MADD: variants seen among roughly 807,000 people sequenced by gnomAD.
The protein encoded by MADD is MAP kinase activating death domain, also known as MAP kinase-activating death domain protein.
Under a neutral mutation model 176.7 loss-of-function variants are expected in MADD, and 109 were observed. That is an observed-to-expected ratio of 0.62 (90% CI 0.53 to 0.72). The LOEUF (loss-of-function observed/expected upper bound fraction) is 0.72, where lower values mean the gene tolerates loss of function less well. Among genes scored for constraint, MADD ranks in the 30% least tolerant of loss-of-function variants. The pLI, the probability that MADD is intolerant of heterozygous loss-of-function variation, is 0.00. For missense variants in MADD, 1,914 were observed against 2,045.5 expected, an observed-to-expected ratio of 0.94 and a Z score of 1.24; for synonymous variants, 771 against 771.3, an observed-to-expected ratio of 1.00 and a Z score of 0.01.
At chr11:47,323,288 C>T (rs112391095) in intron 27 of MADD, among the ~76,000 whole-genome samples, 9 of 151,516 alleles carry the variant, frequency 5.9e-5, no homozygotes, top group Admixed American at 5.9e-4. Context: ...CACCTGTAGT[C>T]CCTGCTACTT....
exon 3 of MADD, chr11:47,274,879 G>A (rs1375711044): frequency 6.2e-7 from 1 of 1,614,106 alleles, no homozygotes; most frequent in East Asian, 2.2e-5. Context: ...TGCCACCTGT[G>A]CCTCAGAAGA....
rs2049572535 is a variant in MADD, at chr11:47,276,104, C to T, written c.865C>T (p.Arg289Ter). Reference sequence around the variant, plus strand: ...GACCTTTGCTCTTCCAGACCCATCTCGATTCACCCTAGTGGATTTCCCACT... The same window carrying T: ...GACCTTTGCTCTTCCAGACCCATCTTGATTCACCCTAGTGGATTTCCCACT... The change falls in exon 4 of 33, where the codon CGA becomes TGA. Residue 289 changes from arginine to a stop codon, truncating the protein, a stop_gained. Transcript: ENST00000402192. LOFTEE classifies it high-confidence loss of function. 1.2e-6 allele frequency: 2 copies of T among 1,614,194 alleles called. No homozygotes were observed. The highest frequency in any genetic ancestry group is 1.7e-6 in the Non-Finnish European group (2 of 1,180,042).
intron 26 of MADD, among the ~76,000 whole-genome samples, chr11:47,313,298 A>G (rs1158390510): frequency 1.3e-5 from 2 of 151,708 alleles, no homozygotes; most frequent in African/African-American, 2.4e-5. Flanking sequence ...TCAGTGAAAC[A>G]CTATTTTCTT....
At chr11:47,283,005 G>A (rs1212603986) in intron 10 of MADD, 36 bp downstream of exon 10, 1 of 1,599,568 alleles carries the variant, frequency 6.3e-7, no homozygotes, top group African/African-American at 1.3e-5. Flanking sequence ...GGTTTTAAAG[G>A]TGAGGAGGCT....
At chr11:47,292,463 T>TGGGTGGGTTTC in intron 19 of MADD, 80 bp from the exon 21 acceptor site, 1 of 1,264,384 alleles carries the variant, frequency 7.9e-7, no homozygotes, top group East Asian at 2.3e-5. Context: ...TCGACTTGGG[T>TGGGTGGGTTTC]GGGTGGGTTT....
Position 47,294,459 on chromosome 11 carries a change from T to C in MADD, c.3402+476T>C, listed in dbSNP as rs542553087. On this transcript the variant is annotated intron_variant, in intron 20 of 32. Coordinates refer to ENST00000402192, the Ensembl canonical transcript of MADD. ...CAGGTGGGTCACTTGAGGTCAGGAG[T>C]TGGAGTTGGAGACCAGCCTGGCCAA... 3.5e-3 allele frequency among the ~76,000 whole-genome samples: 530 copies of C among 150,530 alleles called. 1 individual carries two copies. Among genetic ancestry groups the C allele is most frequent in the Middle Eastern group, 6.8e-3 (2 of 292 alleles).
At chr11:47,291,371 AC>A (rs1183716884) in intron 19 of MADD, among the ~76,000 whole-genome samples, 3 of 152,092 alleles carry the variant, frequency 2.0e-5, no homozygotes, top group Non-Finnish European at 4.4e-5. Context: ...AATCTCGTTT[AC>A]ATTTGGTGTT....
At chr11:47,289,300 C>A in intron 15 of MADD, 91 bp from the exon 17 acceptor site, 2 of 1,069,736 alleles carry the variant, frequency 1.9e-6, no homozygotes, top group Non-Finnish European at 1.4e-6. Flanking sequence ...TTCTGAGGAA[C>A]GGGCATGGAA....
chr11:47,314,923 C>CAGTT (rs35642448), intron 26 of MADD, among the ~76,000 whole-genome samples: 2 of 152,192 alleles, frequency 1.3e-5, no homozygotes, highest in South Asian at 4.1e-4. Flanking sequence ...TTATATTAAT[C>CAGTT]ATTAATTGTT....
intron 27 of MADD, among the ~76,000 whole-genome samples, 178 bp downstream of exon 30, chr11:47,315,505 C>T (rs1243758173): frequency 6.6e-6 from 1 of 152,078 alleles, no homozygotes; most frequent in African/African-American, 2.4e-5. Context: ...GATAGTGTCT[C>T]GCTCTGTCAC....
intron 1 of MADD, among the ~76,000 whole-genome samples, chr11:47,273,429 C>G (rs1345339597): frequency 3.3e-5 from 5 of 152,168 alleles, no homozygotes; most frequent in African/African-American, 1.2e-4. Flanking sequence ...GCCTCCACCT[C>G]CTGGGTTCAA....
chr11:47,321,337 A>G (rs2094441590), intron 27 of MADD, among the ~76,000 whole-genome samples: 1 of 152,128 alleles, frequency 6.6e-6, no homozygotes, highest in Non-Finnish European at 1.5e-5. Flanking sequence ...TGCCACTTTG[A>G]CTGATTCTTC....
chr11:47,279,600 C>G (rs1312258961), intron 7 of MADD, among the ~76,000 whole-genome samples: 1 of 151,740 alleles, frequency 6.6e-6, no homozygotes, highest in East Asian at 2.0e-4. Context: ...AGGATGGCCT[C>G]TATCTCCTGA....
At chr11:47,270,011 TCCCGAGGTCGGCCCCGC>T (rs1338036215), upstream of MADD, 1 of 151,816 alleles carries the variant, frequency 6.6e-6, no homozygotes, top group Non-Finnish European at 1.5e-5. Flanking sequence ...AGCCGCTGTC[TCCCGAGGTCGGCCCCGC>T]CCCGCGGCGC....
intron 23 of MADD, 28 bp from the exon 27 acceptor site, chr11:47,309,253 C>G: frequency 6.2e-7 from 1 of 1,601,856 alleles, no homozygotes; most frequent in Non-Finnish European, 8.5e-7. Flanking sequence ...GTTAAATAGG[C>G]CCCCTAAGAA....
exon 3 of MADD, chr11:47,275,118 C>A (rs538109824): frequency 1.2e-6 from 2 of 1,613,986 alleles, no homozygotes; most frequent in Admixed American, 1.7e-5. Context: ...GTAGTGAGCG[C>A]CTTCTGGGCA....
chr11:47,297,450 C>CTTTTTT (rs550191201), intron 22 of MADD, among the ~76,000 whole-genome samples: 1 of 141,184 alleles, frequency 7.1e-6, no homozygotes, highest in African/African-American at 2.6e-5. Flanking sequence ...CTTTTCTTTT[C>CTTTTTT]TTTTTTTTTT....
At chr11:47,322,953 C>T (rs1321855060) in intron 27 of MADD, among the ~76,000 whole-genome samples, 1 of 151,812 alleles carries the variant, frequency 6.6e-6, no homozygotes, top group South Asian at 2.1e-4. Context: ...TAATAAATAA[C>T]TGGGCCGGGC....
intron 1 of MADD, among the ~76,000 whole-genome samples, chr11:47,273,461 C>G (rs983497902): frequency 1.3e-5 from 2 of 152,152 alleles, no homozygotes; most frequent in Non-Finnish European, 2.9e-5. Context: ...GCCTCAGACT[C>G]CCGAGTAGCT....
Sources: allele counts gnomAD v4.1 joint callset (sites outside exome capture counted in the v4.1 genomes callset), GRCh38; gene constraint gnomAD v4.1.1; transcripts MANE v1.5; gene names NCBI Gene and HGNC (gene_info 2026-07-23, HGNC 2026-07-21).